The following SSBP2 variants were observed in gnomAD, a reference collection of about 807,000 sequenced individuals.
SSBP2 encodes single-stranded DNA-binding protein 2.
Under a neutral mutation model 61.8 loss-of-function variants are expected in SSBP2, and 17 were observed. The observed-to-expected ratio is 0.28, with a 90% CI of 0.19 to 0.41. The LOEUF (loss-of-function observed/expected upper bound fraction) is 0.41, where lower values mean the gene tolerates loss of function less well. Among genes scored for constraint, SSBP2 ranks in the 10% least tolerant of loss-of-function variants. SSBP2 has a pLI of 1.00. For synonymous variants in SSBP2, 139 were observed against 141.3 expected (o/e 0.98, Z 0.12); for missense variants, 310 against 458.7 (o/e 0.68, Z 2.96).
At chr5:81,627,431 T>C (rs1011858798) in intron 3 of SSBP2, among the ~76,000 whole-genome samples, 4 of 152,218 alleles carry the variant, frequency 2.6e-5, no homozygotes, top group African/African-American at 9.6e-5. Flanking sequence ...TTGCCTGTTA[T>C]AGGAAAGACA....
At chr5:81,424,644 T>C (rs1338749548) in intron 16 of SSBP2, among the ~76,000 whole-genome samples, 1 of 152,160 alleles carries the variant, frequency 6.6e-6, no homozygotes, top group Admixed American at 6.6e-5. Flanking sequence ...CCACCATTAC[T>C]GAAACTACTT....
At chr5:81,480,648 C>T (rs530391998) in intron 6 of SSBP2, among the ~76,000 whole-genome samples, 32 of 152,236 alleles carry the variant, frequency 2.1e-4, no homozygotes, top group African/African-American at 7.0e-4. Flanking sequence ...TCAAGAAATC[C>T]ACCCGCCTTG....
chr5:81,428,083 C>T (rs1762064428), intron 16 of SSBP2, among the ~76,000 whole-genome samples: 2 of 152,116 alleles, frequency 1.3e-5, no homozygotes, highest in African/African-American at 4.8e-5. Flanking sequence ...CTGTCTACTT[C>T]TATGGAGATA....
intron 1 of SSBP2, among the ~76,000 whole-genome samples, chr5:81,746,910 C>CT: frequency 6.7e-6 from 1 of 150,266 alleles, no homozygotes; most frequent in Admixed American, 6.8e-5. Flanking sequence ...GCCAGTTACT[C>CT]TTTCTGCGGT....
At chr5:81,585,051 C>A (rs184894222) in intron 4 of SSBP2, among the ~76,000 whole-genome samples, 19 of 152,140 alleles carry the variant, frequency 1.2e-4, no homozygotes, top group Admixed American at 5.9e-4. Context: ...TCTTCCTATA[C>A]TATAAATAGT....
chr5:81,479,851 A>G (rs1048856295), intron 6 of SSBP2, among the ~76,000 whole-genome samples: 2 of 152,138 alleles, frequency 1.3e-5, no homozygotes, highest in African/African-American at 4.8e-5. Context: ...TGGTTATGCT[A>G]TTTTTAAAAA....
At chr5:81,490,353 T>A (rs1348747295) in intron 5 of SSBP2, among the ~76,000 whole-genome samples, 1 of 152,030 alleles carries the variant, frequency 6.6e-6, no homozygotes, top group East Asian at 1.9e-4. Flanking sequence ...TTTGATTTTT[T>A]ATTTATTTTT....
chr5:81,589,162 G>T (rs555435062), intron 4 of SSBP2, among the ~76,000 whole-genome samples: 1 of 152,220 alleles, frequency 6.6e-6, no homozygotes, highest in East Asian at 1.9e-4. Flanking sequence ...TGAAGGTCAC[G>T]TATCAAAAAG....
At chr5:81,518,319 T>C (rs1219995264) in intron 4 of SSBP2, among the ~76,000 whole-genome samples, 1 of 152,086 alleles carries the variant, frequency 6.6e-6, no homozygotes, top group East Asian at 1.9e-4. Context: ...TACGAATGTG[T>C]CCCCTCCAAA....
At chr5:81,561,300 A>G in intron 4 of SSBP2, among the ~76,000 whole-genome samples, 1 of 152,212 alleles carries the variant, frequency 6.6e-6, no homozygotes, top group East Asian at 1.9e-4. Flanking sequence ...AAAACTTGGC[A>G]AACAACAATG....
chr5:81,691,009 T>A (rs1026952056), intron 1 of SSBP2, among the ~76,000 whole-genome samples: 2 of 152,100 alleles, frequency 1.3e-5, no homozygotes, highest in African/African-American at 4.8e-5. Flanking sequence ...AATTTTAAAA[T>A]GTATTGAAAC....
Position 81,416,268 on chromosome 5 carries a change from TA to T in SSBP2, c.*4235del, listed in dbSNP as rs918478879. ...AAAAGGAAAACCAGTGTCAAAACACTAAAATGCATTCCAAAATCAAAATCAA... is the reference window on the plus strand; with the variant it reads ...AAAAGGAAAACCAGTGTCAAAACACTAAATGCATTCCAAAATCAAAATCAA... On this transcript the variant is annotated 3_prime_UTR_variant, in exon 17 of 17. Coordinates refer to ENST00000320672, the MANE Select transcript of SSBP2 (RefSeq NM_012446.5). 2.7e-5 allele frequency: 4 copies of T among 150,674 alleles called. No individual in the cohort carries two copies. Among genetic ancestry groups the T allele is most frequent in the African/African-American group, 9.8e-5 (4 of 40,966 alleles). 9.3% of individuals were successfully genotyped at this position (150,674 alleles called of 1,614,324 possible).
chr5:81,624,669 A>C (rs1455093369), intron 3 of SSBP2, among the ~76,000 whole-genome samples: 1 of 152,258 alleles, frequency 6.6e-6, no homozygotes, highest in Non-Finnish European at 1.5e-5. Flanking sequence ...CATCAACAAC[A>C]AAGGCTGTAG....
intron 12 of SSBP2, among the ~76,000 whole-genome samples, chr5:81,444,073 G>A (rs1019901113): frequency 6.6e-6 from 1 of 151,302 alleles, no homozygotes; most frequent in Non-Finnish European, 1.5e-5. Context: ...GGTTGGCTGT[G>A]AACAATGACC....
intron 1 of SSBP2, among the ~76,000 whole-genome samples, chr5:81,692,042 C>T (rs1046044459): frequency 6.6e-6 from 1 of 152,096 alleles, no homozygotes; most frequent in Non-Finnish European, 1.5e-5. Context: ...ATAAAGGCAT[C>T]CAAACTGGAA....
chr5:81,446,719 A>T, intron 12 of SSBP2, 149 bp downstream of exon 12: 1 of 679,432 alleles, frequency 1.5e-6, no homozygotes, highest in Non-Finnish European at 2.3e-6. Flanking sequence ...TTATTTAAGA[A>T]CACTATATTT....
chr5:81,451,791 T>A (rs1476401496), intron 10 of SSBP2, among the ~76,000 whole-genome samples: 1 of 152,202 alleles, frequency 6.6e-6, no homozygotes, highest in Admixed American at 6.5e-5. Flanking sequence ...AAAATAAACA[T>A]TTAAAAATAC....
At chr5:81,640,565 G>A (rs978052099) in intron 2 of SSBP2, among the ~76,000 whole-genome samples, 15 of 151,726 alleles carry the variant, frequency 9.9e-5, no homozygotes, top group African/African-American at 2.7e-4. Flanking sequence ...TCAGTTCATC[G>A]ACATTTTATA....
intron 1 of SSBP2, among the ~76,000 whole-genome samples, chr5:81,735,275 C>T (rs1055660897): frequency 3.3e-5 from 5 of 152,112 alleles, no homozygotes; most frequent in African/African-American, 1.2e-4. Flanking sequence ...ATGAGATTTA[C>T]GTAGAAATAC....
Sources: gnomAD v4.1 joint callset for allele counts (sites outside exome capture counted in the v4.1 genomes callset) on GRCh38, gnomAD v4.1.1 for gene constraint, MANE v1.5 for transcripts, NCBI Gene and HGNC (gene_info 2026-07-23, HGNC 2026-07-21) for gene names.